TRIM9: variants seen among roughly 807,000 people sequenced by gnomAD.
The protein encoded by TRIM9 is tripartite motif containing 9, also known as E3 ubiquitin-protein ligase TRIM9.
TRIM9 carries 26 observed loss-of-function variants against 78.3 expected under a neutral mutation model. That is an observed-to-expected ratio of 0.33 (90% confidence interval 0.24 to 0.46). The LOEUF is 0.46. Among genes scored for constraint, TRIM9 ranks in the 20% least tolerant of loss-of-function variants. The pLI, the probability that TRIM9 is intolerant of heterozygous loss-of-function variation, is 1.00. For missense variants in TRIM9, 787 were observed against 1,036.4 expected (o/e 0.76, Z 3.30); for synonymous variants, 398 against 416.5 (o/e 0.96, Z 0.54).
chr14:51,029,425 C>T (rs1192205004), intron 1 of TRIM9, among the ~76,000 whole-genome samples: 1 of 152,142 alleles, frequency 6.6e-6, no homozygotes, highest in Non-Finnish European at 1.5e-5. Context: ...GAGCCAAAGC[C>T]CACTCCCGCT....
chr14:51,053,595 A>ATTTTTTT (rs59227932), intron 1 of TRIM9, among the ~76,000 whole-genome samples: 1 of 82,184 alleles, frequency 1.2e-5, no homozygotes, highest in Non-Finnish European at 2.4e-5. Context: ...TTTTTTTTTA[A>ATTTTTTT]TTTTTTTTTT....
In TRIM9 at chr14:51,053,529, T is replaced by A. The variant is rs1356297673; in HGVS notation, c.823-28169A>T. Reference sequence around the variant, plus strand: ...GTATTCTTTTTTTTTTTTTTTTTTTTATGCGTTAACATTACATTTATTTAT... The same window carrying A: ...GTATTCTTTTTTTTTTTTTTTTTTTAATGCGTTAACATTACATTTATTTAT... On this transcript the variant is annotated intron_variant, in intron 1 of 12. Coordinates refer to ENST00000684578, the MANE Select transcript of TRIM9 (RefSeq NM_001387360.1). Among the ~76,000 whole-genome samples, 315 of 110,020 alleles carry A rather than the reference T, an allele frequency of 2.9e-3. 2 individuals are homozygous for A. The highest frequency in any genetic ancestry group is 6.4e-3 in the African/African-American group (182 of 28,418). The allele number at this position is 110,020 out of a possible 152,430, so 72.2% of individuals were successfully genotyped here.
intron 1 of TRIM9, among the ~76,000 whole-genome samples, chr14:51,072,132 C>T (rs1159916131): frequency 1.3e-5 from 2 of 152,180 alleles, no homozygotes; most frequent in African/African-American, 4.8e-5. Flanking sequence ...GGGAAATCTG[C>T]CAGAGCCTTC....
At chr14:51,014,907 C>T (rs1369609019) in intron 3 of TRIM9, among the ~76,000 whole-genome samples, 1 of 152,124 alleles carries the variant, frequency 6.6e-6, no homozygotes, top group East Asian at 1.9e-4. Flanking sequence ...GGGCAAGTTG[C>T]AGGAAGGACA....
At chr14:51,093,639 C>T (rs2140397498) in intron 1 of TRIM9, among the ~76,000 whole-genome samples, 1 of 152,358 alleles carries the variant, frequency 6.6e-6, no homozygotes, top group East Asian at 1.9e-4. Flanking sequence ...CCGTGCCTCA[C>T]CAGGTCCGCC....
At position 50,975,972 on chromosome 14, in the gene TRIM9, C is replaced by G. The variant is rs1412605386; in HGVS notation, c.*1319G>C. 6.6e-6 allele frequency: 1 copy of G among 152,584 alleles called. No individual in the cohort carries two copies. The highest frequency in any genetic ancestry group is 1.5e-5 in the Non-Finnish European group (1 of 68,040). 9.5% of individuals were successfully genotyped at this position (152,584 alleles called of 1,614,324 possible). A position where few individuals can be genotyped will look rare whatever the true frequency, so the allele number is the denominator to read the frequency against. On this transcript the variant is annotated 3_prime_UTR_variant, in exon 13 of 13. Transcript: ENST00000684578. ...CAGAAAATTAGGCTGTGAATGGCAGCAGAGTGGATGGATTTTTCATTCATA... is the reference window on the plus strand; with the variant it reads ...CAGAAAATTAGGCTGTGAATGGCAGGAGAGTGGATGGATTTTTCATTCATA...
At chr14:51,056,225 G>C (rs2060888060) in intron 1 of TRIM9, among the ~76,000 whole-genome samples, 1 of 152,156 alleles carries the variant, frequency 6.6e-6, no homozygotes, top group African/African-American at 2.4e-5. Flanking sequence ...AACCAGACCA[G>C]AAATTGGTCT....
chr14:50,991,238 A>G, intron 7 of TRIM9, among the ~76,000 whole-genome samples: 1 of 152,228 alleles, frequency 6.6e-6, no homozygotes, highest in Non-Finnish European at 1.5e-5. Flanking sequence ...TTTCCAGGGT[A>G]TCAGTTGCAA....
At chr14:51,084,760 G>A (rs1361642204) in intron 1 of TRIM9, among the ~76,000 whole-genome samples, 1 of 152,142 alleles carries the variant, frequency 6.6e-6, no homozygotes, top group African/African-American at 2.4e-5. Flanking sequence ...GCAGTGCTAG[G>A]TAATGGACTA....
chr14:51,006,444 A>G (rs1213716852), intron 5 of TRIM9, among the ~76,000 whole-genome samples: 3 of 152,202 alleles, frequency 2.0e-5, no homozygotes, highest in African/African-American at 7.2e-5. Flanking sequence ...GGCCAATAGA[A>G]GTCTGAACTC....
intron 8 of TRIM9, 62 bp downstream of exon 8, chr14:50,985,894 C>T (rs2052646535): frequency 8.2e-6 from 11 of 1,337,380 alleles, no homozygotes; most frequent in Non-Finnish European, 9.8e-6. Flanking sequence ...ACAAGACACG[C>T]GTTTCAGAGA....
At chr14:50,993,085 G>C (rs1184661835) in intron 7 of TRIM9, among the ~76,000 whole-genome samples, 1 of 152,104 alleles carries the variant, frequency 6.6e-6, no homozygotes, top group East Asian at 1.9e-4. Context: ...TCATTTGGTA[G>C]TAACTTTCAT....
intron 1 of TRIM9, among the ~76,000 whole-genome samples, chr14:51,070,518 T>TG (rs1402178645): frequency 6.8e-6 from 1 of 147,420 alleles, no homozygotes; most frequent in Non-Finnish European, 1.5e-5. Flanking sequence ...TGTTTCAGAT[T>TG]TTTTTTTTTT....
Position 51,012,263 on chromosome 14 carries a change from A to C in TRIM9, c.1042-1769T>G, listed in dbSNP as rs555672860. Among the ~76,000 whole-genome samples the C allele has an allele frequency of 4.6e-5, 7 of 152,342 alleles. No individual in the cohort carries two copies. In the South Asian group the frequency reaches 1.4e-3, roughly 32 times the overall value. ...TTCCTCCCAGCCCCTGGCAACCGCC[A>C]TTCTACTTCCTTTCTCTATGAATTT... On this transcript the variant is annotated intron_variant, in intron 3 of 12. Transcript: ENST00000684578.
At chr14:51,055,215 C>G (rs2060804868) in intron 1 of TRIM9, among the ~76,000 whole-genome samples, 1 of 152,218 alleles carries the variant, frequency 6.6e-6, no homozygotes, top group South Asian at 2.1e-4. Flanking sequence ...GTAAGACACA[C>G]CATTATTTTA....
At chr14:50,983,345 C>T (rs369046731) in intron 9 of TRIM9, 35 bp downstream of exon 9, 6 of 1,499,404 alleles carry the variant, frequency 4.0e-6, no homozygotes, top group Admixed American at 2.1e-5. Flanking sequence ...ACACCAATCA[C>T]GTAAGTAAAA....
chr14:50,993,506 T>A, intron 7 of TRIM9, among the ~76,000 whole-genome samples: 1 of 152,098 alleles, frequency 6.6e-6, no homozygotes, highest in South Asian at 2.1e-4. Context: ...GTAGCTGGGA[T>A]TACAGGCGCC....
chr14:51,040,388 T>C (rs1377439594), intron 1 of TRIM9, among the ~76,000 whole-genome samples: 3 of 152,182 alleles, frequency 2.0e-5, no homozygotes, highest in Non-Finnish European at 4.4e-5. Flanking sequence ...TTTTCTTCTG[T>C]TGCCTGTACC....
At chr14:51,049,054 C>T (rs917757796) in intron 1 of TRIM9, among the ~76,000 whole-genome samples, 18 of 151,852 alleles carry the variant, frequency 1.2e-4, no homozygotes, top group African/African-American at 3.1e-4. Flanking sequence ...GTGTAAGCAC[C>T]GTTATGTGGT....
Sources: gnomAD v4.1 joint callset for allele counts (sites outside exome capture counted in the v4.1 genomes callset) on GRCh38, gnomAD v4.1.1 for gene constraint, MANE v1.5 for transcripts, NCBI Gene and HGNC (gene_info 2026-07-23, HGNC 2026-07-21) for gene names.